OSBPL6: variants seen among roughly 807,000 people sequenced by gnomAD.
The protein encoded by OSBPL6 is oxysterol-binding protein-related protein 6.
A neutral mutation model predicts 125.8 loss-of-function variants in OSBPL6; 49 were observed. The observed-to-expected ratio is 0.39, with a 90% confidence interval of 0.31 to 0.49. The LOEUF (loss-of-function observed/expected upper bound fraction) is 0.49, where lower values mean the gene tolerates loss of function less well. OSBPL6 is among the 20% of genes least tolerant of loss of function. The pLI, the probability that OSBPL6 is intolerant of heterozygous loss-of-function variation, is 0.88. For synonymous variants in OSBPL6, 394 were observed against 391.8 expected, an observed-to-expected ratio of 1.01 and a Z score of -0.07; for missense variants, 986 against 1,135.4, an observed-to-expected ratio of 0.87 and a Z score of 1.89.
intron 1 of OSBPL6, among the ~76,000 whole-genome samples, chr2:178,237,314 AG>A (rs2091093713): frequency 6.6e-6 from 1 of 151,358 alleles, no homozygotes. Context: ...AGTAAGATCA[AG>A]GCTATCAGAT....
At position 178,399,909 on chromosome 2, in the gene OSBPL6, G is replaced by A. The variant is rs1696055765; in HGVS notation, c.*4350G>A. On this transcript the variant is annotated 3_prime_UTR_variant, in exon 25 of 25. Coordinates refer to ENST00000190611, the MANE Select transcript of OSBPL6 (RefSeq NM_032523.4). ...ATGACCCCATAAATACATTTTATTA[G>A]TTACTTTGGTATCTTCAAATTGGTA... 6.6e-6 allele frequency: 1 copy of A among 152,012 alleles called. No individual in the cohort carries two copies. The highest frequency in any genetic ancestry group is 2.4e-5 in the African/African-American group (1 of 41,362). The allele number at this position is 152,012 out of a possible 1,614,324, so 9.4% of individuals were successfully genotyped here.
chr2:178,286,929 C>T (rs963260583), intron 2 of OSBPL6, among the ~76,000 whole-genome samples: 2 of 151,674 alleles, frequency 1.3e-5, no homozygotes. Context: ...CTTGTCTTTC[C>T]TCATCTTTGA....
At position 178,336,276 on chromosome 2, in the gene OSBPL6, T is replaced by C. The variant is rs1271838396; in HGVS notation, c.658-25T>C. On this transcript the variant is annotated intron_variant, in intron 8 of 24. Transcript: ENST00000190611. ...ATTGAAATGTACTGTTTCATAACCATACAATTCATCTTTGTTTGCCGTAGA... is the reference window on the plus strand; with the variant it reads ...ATTGAAATGTACTGTTTCATAACCACACAATTCATCTTTGTTTGCCGTAGA... The C allele has an allele frequency of 3.1e-6, 5 of 1,611,534 alleles. No homozygotes were observed. In the African/African-American group the frequency reaches 4.0e-5, roughly 13 times the overall value.
chr2:178,278,348 C>A (rs2092512145), intron 1 of OSBPL6, among the ~76,000 whole-genome samples: 1 of 152,128 alleles, frequency 6.6e-6, no homozygotes, highest in Non-Finnish European at 1.5e-5. Flanking sequence ...TTCTTAAGGG[C>A]AAGAGCCTGG....
In OSBPL6 at chr2:178,394,428, T is replaced by A; in HGVS notation, c.2689T>A (p.Phe897Ile). The A allele has an allele frequency of 6.2e-7, 1 of 1,607,466 alleles. No homozygotes were observed. Among genetic ancestry groups the A allele is most frequent in the Non-Finnish European group, 8.5e-7 (1 of 1,178,470 alleles). ...AAACAATCTTGAACATATACCAAAA[T>A]TTTTTAAGTAAGTCAGTTAACTCCC... is the stretch of plus-strand genomic sequence containing the variant. Reference protein sequence around the residue: ...EENNLEHIPKFFKKVIDANQR... With the variant: ...EENNLEHIPKIFKKVIDANQR... The change falls in exon 24 of 25, where the codon TTT becomes ATT. Residue 897 changes from phenylalanine to isoleucine, a missense_variant. This residue lies in a region of OSBPL6 where 843 missense variants were observed against 997.3 expected (regional missense o/e 0.85). Transcript: ENST00000190611.
In OSBPL6 at chr2:178,391,141, G is replaced by A. The variant is rs766419541; in HGVS notation, c.2370G>A (p.Val790=). The part of the protein sequence containing the change: ...GVVIDQEGKA[V]YRLFGKWHEG... ...TGATAGATCAGGAGGGGAAGGCGGTGTACCGGCTGTTTGGAAAGTGGCATG... is the reference window on the plus strand; with the variant it reads ...TGATAGATCAGGAGGGGAAGGCGGTATACCGGCTGTTTGGAAAGTGGCATG... The change falls in exon 22 of 25, where the codon GTG becomes GTA. Residue 790 remains valine, a synonymous_variant. Coordinates refer to ENST00000190611, the MANE Select transcript of OSBPL6 (RefSeq NM_032523.4). 6.2e-6 allele frequency: 10 copies of A among 1,613,892 alleles called. No homozygotes were observed. In the East Asian group the frequency reaches 2.0e-4, roughly 32 times the overall value.
intron 1 of OSBPL6, among the ~76,000 whole-genome samples, chr2:178,267,909 A>G (rs900100338): frequency 1.3e-5 from 2 of 151,958 alleles, no homozygotes; most frequent in African/African-American, 4.8e-5. Context: ...TTCTCTGCTA[A>G]TATCCATACT....
At chr2:178,242,081 G>C (rs1438735734) in intron 1 of OSBPL6, among the ~76,000 whole-genome samples, 2 of 152,184 alleles carry the variant, frequency 1.3e-5, no homozygotes, top group Admixed American at 1.3e-4. Flanking sequence ...ATCACCTAAA[G>C]ACATTTCTCA....
At chr2:178,261,365 C>T (rs1031563107) in intron 1 of OSBPL6, among the ~76,000 whole-genome samples, 2 of 143,962 alleles carry the variant, frequency 1.4e-5, no homozygotes, top group African/African-American at 5.1e-5. Flanking sequence ...AAGAATTACT[C>T]ATGTTACTCC....
intron 1 of OSBPL6, among the ~76,000 whole-genome samples, chr2:178,267,192 A>G (rs1327152502): frequency 6.6e-6 from 1 of 152,044 alleles, no homozygotes; most frequent in Non-Finnish European, 1.5e-5. Flanking sequence ...TGTCTCTACT[A>G]AAAATATAAA....
At chr2:178,259,979 T>A (rs935283486) in intron 1 of OSBPL6, among the ~76,000 whole-genome samples, 2 of 152,166 alleles carry the variant, frequency 1.3e-5, no homozygotes, top group Admixed American at 1.3e-4. Context: ...CAGCGATGGA[T>A]GATATTTGCT....
chr2:178,343,301 C>T (rs892806275), intron 11 of OSBPL6, among the ~76,000 whole-genome samples: 2 of 151,674 alleles, frequency 1.3e-5, no homozygotes, highest in African/African-American at 2.4e-5. Context: ...GTGGGAGGGT[C>T]GCTTGAGGCC....
chr2:178,257,265 T>C (rs2091915940), intron 1 of OSBPL6, among the ~76,000 whole-genome samples: 1 of 152,216 alleles, frequency 6.6e-6, no homozygotes, highest in Non-Finnish European at 1.5e-5. Flanking sequence ...AACTTCCTTC[T>C]AGAATATGCT....
At chr2:178,221,730 G>T (rs530163027) in intron 1 of OSBPL6, among the ~76,000 whole-genome samples, 38 of 152,314 alleles carry the variant, frequency 2.5e-4, no homozygotes, top group African/African-American at 8.9e-4. Flanking sequence ...CAGGATAATT[G>T]ACTCAGTCAA....
At chr2:178,328,516 C>G (rs1257045149) in intron 5 of OSBPL6, 138 bp downstream of exon 5, 2 of 1,010,944 alleles carry the variant, frequency 2.0e-6, no homozygotes, top group Non-Finnish European at 2.8e-6. Context: ...GAGACAGATT[C>G]TCACTCTGTT....
At chr2:178,330,755 C>T (rs1366725787) in intron 5 of OSBPL6, among the ~76,000 whole-genome samples, 1 of 152,156 alleles carries the variant, frequency 6.6e-6, no homozygotes, top group Admixed American at 6.5e-5. Flanking sequence ...ATCTGTAGAA[C>T]TAGAGGGCAC....
At chr2:178,225,421 C>T (rs2090516838) in intron 1 of OSBPL6, among the ~76,000 whole-genome samples, 1 of 152,044 alleles carries the variant, frequency 6.6e-6, no homozygotes. Context: ...GTATGCTATC[C>T]AAGGTAGTCA....
rs948887877 is a variant in OSBPL6 at position 178,398,720 on chromosome 2, T to A, written c.*3161T>A. ...AAGAGAAACCAAAGGATTTTCAATA[T>A]ATGAGATGCCAGGTTGTCAATTTTC... On this transcript the variant is annotated 3_prime_UTR_variant, in exon 25 of 25. Transcript: ENST00000190611. 6.6e-6 allele frequency: 1 copy of A among 152,158 alleles called. No homozygotes were observed. Among genetic ancestry groups the A allele is most frequent in the African/African-American group, 2.4e-5 (1 of 41,442 alleles). The allele number at this position is 152,158 out of a possible 1,614,324, so 9.4% of individuals were successfully genotyped here.
At chr2:178,361,523 C>T (rs1574969664) in intron 12 of OSBPL6, among the ~76,000 whole-genome samples, 159 bp from the exon 13 acceptor site, 5 of 152,096 alleles carry the variant, frequency 3.3e-5, no homozygotes. Context: ...TATAGATATC[C>T]TGATAAAGAT....
Sources: gnomAD v4.1 joint callset for allele counts (sites outside exome capture counted in the v4.1 genomes callset) on GRCh38, gnomAD v4.1.1 for gene constraint, gnomAD v4.1.1 regional missense constraint, MANE v1.5 for transcripts, NCBI Gene and HGNC (gene_info 2026-07-23, HGNC 2026-07-21) for gene names.